IFNAR2: variants seen among roughly 807,000 people sequenced by gnomAD.
The protein encoded by IFNAR2 is interferon alpha/beta receptor 2.
IFNAR2 carries 30 observed loss-of-function variants against 49.4 expected under a neutral mutation model. The observed-to-expected ratio is 0.61, with a 90% CI of 0.45 to 0.82. The LOEUF (loss-of-function observed/expected upper bound fraction) is 0.82, where lower values mean the gene tolerates loss of function less well. IFNAR2 is among the 40% of genes least tolerant of loss of function. The pLI is 0.00. For missense variants in IFNAR2, 600 were observed against 622.7 expected (o/e 0.96, Z 0.39); for synonymous variants, 224 against 234.5 (o/e 0.96, Z 0.41).
Position 33,246,838 on chromosome 21 carries a change from C to T in IFNAR2, c.342C>T (p.Ser114=), listed in dbSNP as rs141399727. ...ATGTCACCGTCCTAGAAGGATTCAG[C>T]GGGAACACAACGTTGTTCAGTTGCT... ...EAYVTVLEGF[S]GNTTLFSCSH... Residue 114 remains serine (S), a synonymous_variant, in exon 5 of 9, where the codon AGC becomes AGT. Transcript: ENST00000342136. 1.9e-5 allele frequency: 31 copies of T among 1,614,012 alleles called. No homozygotes were observed. The highest frequency in any genetic ancestry group is 1.8e-4 in the East Asian group (8 of 44,904).
rs1244984889 is a variant in IFNAR2, at chr21:33,252,705, A to C, written c.584A>C (p.Tyr195Ser). The C allele has an allele frequency of 1.2e-6, 2 of 1,613,712 alleles. No homozygotes were observed. The highest frequency in any genetic ancestry group is 1.7e-6 in the Non-Finnish European group (2 of 1,179,818). The change falls in exon 7 of 9, where the codon TAT (tyrosine) becomes TCT (serine). Residue 195 changes from tyrosine (Y) to serine (S), a missense_variant. Tyr to Ser is a moderately radical substitution (Grantham distance 144, BLOSUM62 -2). Coordinates refer to ENST00000342136, the MANE Select transcript of IFNAR2 (RefSeq NM_001289125.3). The part of the protein sequence containing the change: ...IKGNMSGNFT[Y>S]IIDKLIPNTN... ...GGAAACATGAGTGGAAATTTCACCT[A>C]TATCATTGACAAGTTAATTCCAAAC...
chr21:33,249,737 C>G (rs1048242337), intron 6 of IFNAR2, among the ~76,000 whole-genome samples: 7 of 152,136 alleles, frequency 4.6e-5, no homozygotes, highest in Non-Finnish European at 7.3e-5. Context: ...CTGTAGAGCC[C>G]TTTGCCAAGT....
In IFNAR2 at chr21:33,248,769, T is replaced by A; in HGVS notation, c.455T>A (p.Val152Glu). ...TTTACCAACCACATTAATGTGATGG[T>A]GAAATTTCCATCTATTGTTGAGGAA... ...VGFTNHINVM[V>E]KFPSIVEEEL... Residue 152 changes from valine to glutamate, a missense_variant, in exon 6 of 9, where the codon GTG becomes GAG. Val to Glu is a moderately radical substitution (Grantham distance 121). Coordinates refer to ENST00000342136, the MANE Select transcript of IFNAR2 (RefSeq NM_001289125.3). The A allele has an allele frequency of 6.2e-7, 1 of 1,611,734 alleles. No homozygotes were observed. The highest frequency in any genetic ancestry group is 8.5e-7 in the Non-Finnish European group (1 of 1,178,454).
At chr21:33,262,668 C>T (rs1051198236) in intron 8 of IFNAR2, 125 bp from the exon 9 acceptor site, 3 of 1,371,644 alleles carry the variant, frequency 2.2e-6, no homozygotes, top group Admixed American at 1.7e-5. Flanking sequence ...GCCTAAGCTT[C>T]CCCAGTAGCT....
chr21:33,246,651 G>A (rs565809875), intron 4 of IFNAR2, 67 bp from the exon 5 acceptor site: 35 of 1,244,700 alleles, frequency 2.8e-5, no homozygotes, highest in African/African-American at 2.5e-4. Context: ...GAAGTAAGGC[G>A]CCCAAAAATA....
Position 33,231,730 on chromosome 21 carries a change from T to TGTTTG in IFNAR2, c.-84+1539_-84+1543dup, listed in dbSNP as rs578140787. 1,591 of 979,202 alleles carry TGTTTG rather than the reference T, an allele frequency of 1.6e-3. 25 individuals carry two copies. In the African/African-American group the frequency reaches 0.022, roughly 14 times the overall value. 60.7% of individuals were successfully genotyped at this position (979,202 alleles called of 1,614,324 possible). A position where few individuals can be genotyped will look rare whatever the true frequency, so the allele number is the denominator to read the frequency against. ...CGTTATCAATCATCATGTTTTGTTTTGTTTGGTTTGGTTTGGTTTGGTTTG... is the reference window on the plus strand; with the variant it reads ...CGTTATCAATCATCATGTTTTGTTTTGTTTGGTTTGGTTTGGTTTGGTTTGGTTTG... On this transcript the variant is annotated intron_variant, in intron 1 of 8. Coordinates refer to ENST00000342136, the MANE Select transcript of IFNAR2 (RefSeq NM_001289125.3).
Position 33,230,423 on chromosome 21 carries a change from A to G in IFNAR2, c.-84+207A>G. 2.1e-6 allele frequency: 1 copy of G among 472,140 alleles called. No homozygotes were observed. The highest frequency in any genetic ancestry group is 4.1e-6 in the Non-Finnish European group (1 of 243,756). The allele number at this position is 472,140 out of a possible 1,614,324, so 29.2% of individuals were successfully genotyped here. ...CTCCCGGGGCCGCACCTGCGACCCC[A>G]GGACCCCTCCCGGGCCCTGTCCTGC... is the stretch of plus-strand genomic sequence containing the variant. On this transcript the variant is annotated intron_variant, in intron 1 of 8. Coordinates refer to ENST00000342136, the MANE Select transcript of IFNAR2 (RefSeq NM_001289125.3). This position sits in a 1 kb window ranked among gnomAD's most constrained non-coding sequence, Gnocchi z 5.5.
chr21:33,243,849 C>T, intron 3 of IFNAR2, 135 bp downstream of exon 3: 1 of 746,762 alleles, frequency 1.3e-6, no homozygotes. Flanking sequence ...GATTCTTTCT[C>T]TGTAAAAGGA....
intron 6 of IFNAR2, among the ~76,000 whole-genome samples, chr21:33,249,358 AAAAAAAG>A (rs1987682249): frequency 1.3e-5 from 2 of 151,970 alleles, no homozygotes; most frequent in South Asian, 4.1e-4. Flanking sequence ...AAAAAAAAAA[AAAAAAAG>A]AGTAAGCCAC....
chr21:33,257,082 G>A (rs1988255124), intron 7 of IFNAR2, among the ~76,000 whole-genome samples: 1 of 152,164 alleles, frequency 6.6e-6, no homozygotes, highest in Non-Finnish European at 1.5e-5. Flanking sequence ...CAGGCATGTG[G>A]CTCTCAGCTG....
chr21:33,259,022 C>T (rs1040453657), intron 7 of IFNAR2, among the ~76,000 whole-genome samples: 12 of 152,076 alleles, frequency 7.9e-5, no homozygotes, highest in African/African-American at 2.9e-4. Flanking sequence ...TGTTAGTCAT[C>T]GCCAGTCTTT....
intron 6 of IFNAR2, 185 bp from the exon 7 acceptor site, chr21:33,252,477 A>G (rs1987922983): frequency 1.0e-6 from 1 of 985,232 alleles, no homozygotes; most frequent in Non-Finnish European, 1.2e-6. Flanking sequence ...GGTGTATATT[A>G]AAAGTGCATG....
At chr21:33,262,106 C>T (rs1988609285) in intron 8 of IFNAR2, among the ~76,000 whole-genome samples, 1 of 152,094 alleles carries the variant, frequency 6.6e-6, no homozygotes, top group Admixed American at 6.5e-5. Context: ...GGTGGCCACG[C>T]CTATAAACCC....
At chr21:33,234,175 CAG>C (rs1986265632) in intron 1 of IFNAR2, among the ~76,000 whole-genome samples, 3 of 134,302 alleles carry the variant, frequency 2.2e-5, no homozygotes, top group Admixed American at 7.6e-5. Flanking sequence ...TAACATTAAA[CAG>C]AAACACTGTG....
chr21:33,239,442 A>T (rs1279126038), intron 1 of IFNAR2, among the ~76,000 whole-genome samples: 2 of 152,296 alleles, frequency 1.3e-5, no homozygotes, highest in South Asian at 4.1e-4. Flanking sequence ...GAGTGATTAC[A>T]GCCATCAATG....
At chr21:33,240,324 A>G (rs1345967778) in intron 1 of IFNAR2, among the ~76,000 whole-genome samples, 3 of 152,232 alleles carry the variant, frequency 2.0e-5, no homozygotes, top group Admixed American at 6.5e-5. Context: ...GCACAGTACC[A>G]TGCTGCACAG....
chr21:33,238,035 A>T (rs1306173209), intron 1 of IFNAR2, among the ~76,000 whole-genome samples: 1 of 152,174 alleles, frequency 6.6e-6, no homozygotes, highest in Non-Finnish European at 1.5e-5. Flanking sequence ...CCCAGGACAT[A>T]CGACCCTCCT....
intron 1 of IFNAR2, among the ~76,000 whole-genome samples, chr21:33,235,583 C>T (rs1431631777): frequency 1.3e-5 from 2 of 152,160 alleles, no homozygotes; most frequent in African/African-American, 2.4e-5. Flanking sequence ...TCCACAGTCT[C>T]TCTCTCTCAA....
chr21:33,254,620 G>A (rs1438124973), intron 7 of IFNAR2, among the ~76,000 whole-genome samples: 1 of 152,124 alleles, frequency 6.6e-6, no homozygotes, highest in East Asian at 1.9e-4. Flanking sequence ...AATAGGAACC[G>A]TGGCCTCCGC....
Sources: gnomAD v4.1 joint callset for allele counts (sites outside exome capture counted in the v4.1 genomes callset) on GRCh38, gnomAD v4.1.1 for gene constraint, Gnocchi (gnomAD v3.1) non-coding constraint, MANE v1.5 for transcripts, NCBI Gene and HGNC (gene_info 2026-07-23, HGNC 2026-07-21) for gene names.